DYSF: variants seen among roughly 807,000 people sequenced by gnomAD.
The protein encoded by DYSF is dysferlin.
A neutral mutation model predicts 274.9 loss-of-function variants in DYSF; 212 were observed. The observed-to-expected ratio is 0.77, with a 90% CI of 0.69 to 0.86. The LOEUF (loss-of-function observed/expected upper bound fraction) is 0.86, where lower values mean the gene tolerates loss of function less well. Ranked by LOEUF, DYSF falls within the 40% of genes least tolerant of loss-of-function variation. The probability of loss-of-function intolerance (pLI) is 0.00; values close to 1 mark genes in which losing one functional copy is unlikely to be tolerated. For synonymous variants in DYSF, 1,091 were observed against 1,078.7 expected (o/e 1.01, Z -0.22); for missense variants, 2,666 against 2,783.2 (o/e 0.96, Z 0.95).
At chr2:71,664,712 A>G (rs2152951233) in intron 46 of DYSF, among the ~76,000 whole-genome samples, 1 of 152,214 alleles carries the variant, frequency 6.6e-6, no homozygotes, top group African/African-American at 2.4e-5. Context: ...TGTAATGCAC[A>G]TAGAAGGCCT....
intron 43 of DYSF, among the ~76,000 whole-genome samples, 200 bp from the exon 44 acceptor site, chr2:71,658,678 A>T (rs570260480): frequency 1.3e-5 from 2 of 152,276 alleles, no homozygotes; most frequent in Non-Finnish European, 2.9e-5. Flanking sequence ...AACCCAACAG[A>T]TCTCATGATA....
intron 10 of DYSF, among the ~76,000 whole-genome samples, chr2:71,519,524 T>C (rs1330926711): frequency 6.6e-6 from 1 of 152,050 alleles, no homozygotes; most frequent in Non-Finnish European, 1.5e-5. Flanking sequence ...ACTATCATCA[T>C]CCCAATCATC....
intron 32 of DYSF, among the ~76,000 whole-genome samples, chr2:71,596,322 A>G (rs1442035807): frequency 1.3e-5 from 2 of 152,160 alleles, no homozygotes; most frequent in Non-Finnish European, 1.5e-5. Flanking sequence ...AGCCGCTACA[A>G]TGTGCAATTG....
chr2:71,672,404 G>T (rs1030598947), intron 51 of DYSF, among the ~76,000 whole-genome samples: 1 of 152,182 alleles, frequency 6.6e-6, no homozygotes, highest in African/African-American at 2.4e-5. Context: ...GTGGGGTTCA[G>T]GGCCTCTGGC....
At chr2:71,559,577 C>A (rs968999053) in intron 22 of DYSF, among the ~76,000 whole-genome samples, 6 of 152,338 alleles carry the variant, frequency 3.9e-5, no homozygotes, top group African/African-American at 1.4e-4. Context: ...TGAAGCTCTG[C>A]GCTAGTTTGT....
intron 32 of DYSF, among the ~76,000 whole-genome samples, chr2:71,591,542 G>A (rs376782689): frequency 1.3e-5 from 2 of 152,366 alleles, no homozygotes; most frequent in African/African-American, 4.8e-5. Flanking sequence ...TGTGAAGTAG[G>A]TGGTCAACAT....
At position 71,679,215 on chromosome 2, in the gene DYSF, G is replaced by T. The variant is rs2095264664; in HGVS notation, c.6043G>T (p.Gly2015Cys). 2.5e-6 allele frequency: 4 copies of T among 1,613,998 alleles called. No homozygotes were observed. The highest frequency in any genetic ancestry group is 3.4e-6 in the Non-Finnish European group (4 of 1,179,946). The change falls in exon 53 of 56, where the codon GGT becomes TGT. Residue 2015 changes from glycine to cysteine, a missense_variant. This residue lies in a region of DYSF where 1,460 missense variants were observed against 1,502.1 expected (regional missense o/e 0.97). Coordinates refer to ENST00000410020, the MANE Select transcript of DYSF (RefSeq NM_001130987.2). ...CTGGTGGCCCTGTGTAGCAGAAGAG[G>T]GTGAGAAGAAAATACTGGCGGTAAG... ...KGWWPCVAEE[G>C]EKKILAGKLE...
intron 47 of DYSF, among the ~76,000 whole-genome samples, chr2:71,665,768 T>C (rs1352432096): frequency 6.6e-6 from 1 of 152,200 alleles, no homozygotes; most frequent in Non-Finnish European, 1.5e-5. Flanking sequence ...AGCCCATGCA[T>C]CTAAAGGATC....
chr2:71,578,796 C>T (rs565741891), intron 30 of DYSF, among the ~76,000 whole-genome samples: 57 of 152,246 alleles, frequency 3.7e-4, no homozygotes, highest in African/African-American at 9.6e-4. Context: ...CTCTGGAAGA[C>T]GTCTTGTTGG....
intron 16 of DYSF, among the ~76,000 whole-genome samples, chr2:71,535,893 C>T (rs7419978): frequency 0.13 from 19,192 of 152,196 alleles, 1,370 homozygotes; most frequent in African/African-American, 0.18. Context: ...TTGTTCCCAG[C>T]AAGCACTTGA....
chr2:71,466,586 C>G, upstream of DYSF: 1 of 1,185,384 alleles, frequency 8.4e-7, no homozygotes, highest in African/African-American at 1.6e-5. Flanking sequence ...CCGTCTGACC[C>G]CTGTCCCTCC....
intron 1 of DYSF, among the ~76,000 whole-genome samples, chr2:71,478,310 C>T (rs2082567151): frequency 6.6e-6 from 1 of 151,134 alleles, no homozygotes; most frequent in South Asian, 2.1e-4. Context: ...CTCCTGGGTT[C>T]ACGCCATTCT....
chr2:71,527,591 G>GA (rs11385599), intron 13 of DYSF, among the ~76,000 whole-genome samples: 120,612 of 152,026 alleles, frequency 0.79, 49,170 homozygotes, highest in African/African-American at 0.86. Context: ...AACGTTGTTT[G>GA]AAAAAAACAA....
At chr2:71,531,128 G>GA (rs371731160) in intron 14 of DYSF, among the ~76,000 whole-genome samples, 6 of 151,122 alleles carry the variant, frequency 4.0e-5, no homozygotes, top group Non-Finnish European at 7.4e-5. Context: ...GCAAAAAATT[G>GA]AAAAAAATCA....
At chr2:71,634,236 C>T (rs552246829) in intron 41 of DYSF, among the ~76,000 whole-genome samples, 1 of 152,274 alleles carries the variant, frequency 6.6e-6, no homozygotes, top group South Asian at 2.1e-4. Flanking sequence ...AAATATCAAA[C>T]CTTTTGTGTT....
intron 22 of DYSF, among the ~76,000 whole-genome samples, chr2:71,561,219 AC>A (rs2091732089): frequency 6.6e-6 from 1 of 152,044 alleles, no homozygotes; most frequent in African/African-American, 2.4e-5. Flanking sequence ...TCCCCACCCC[AC>A]CTCAGGTGGA....
intron 12 of DYSF, among the ~76,000 whole-genome samples, chr2:71,525,867 G>T (rs920362824): frequency 5.9e-5 from 9 of 152,204 alleles, no homozygotes; most frequent in African/African-American, 2.2e-4. Context: ...AGAGTGGCCA[G>T]CTTAGACCTC....
At chr2:71,590,796 G>C (rs1246912613) in intron 32 of DYSF, among the ~76,000 whole-genome samples, 3 of 152,150 alleles carry the variant, frequency 2.0e-5, no homozygotes, top group Non-Finnish European at 4.4e-5. Context: ...GCAGCCATCT[G>C]TTACCCAGGC....
intron 32 of DYSF, 79 bp from the exon 33 acceptor site, chr2:71,598,484 GC>G: frequency 6.5e-7 from 1 of 1,540,848 alleles, no homozygotes; most frequent in South Asian, 1.2e-5. Context: ...CAGCTTTGTG[GC>G]CCCACATGGC....
Sources: allele counts gnomAD v4.1 joint callset (sites outside exome capture counted in the v4.1 genomes callset), GRCh38; gene constraint gnomAD v4.1.1; regional missense constraint gnomAD v4.1.1; transcripts MANE v1.5; gene names NCBI Gene and HGNC (gene_info 2026-07-23, HGNC 2026-07-21).